Variants in MACROD2 observed in about 807,000 individuals in gnomAD.
MACROD2 encodes the protein ADP-ribose glycohydrolase MACROD2.
Under a neutral mutation model 70.4 loss-of-function variants are expected in MACROD2, and 36 were observed. The observed-to-expected ratio is 0.51, with a 90% CI of 0.39 to 0.68. The LOEUF is 0.68. Among genes scored for constraint, MACROD2 ranks in the 30% least tolerant of loss-of-function variants. The pLI, the probability that MACROD2 is intolerant of heterozygous loss-of-function variation, is 0.00. For synonymous variants in MACROD2, 172 were observed against 178.8 expected, an observed-to-expected ratio of 0.96 and a Z score of 0.30; for missense variants, 496 against 538.4, an observed-to-expected ratio of 0.92 and a Z score of 0.78.
intron 5 of MACROD2, chr20:14,888,726 T>C (rs903043770): frequency 4.6e-5 from 7 of 152,220 alleles, no homozygotes; most frequent in Admixed American, 4.6e-4. Context: ...TTGCTGTGCA[T>C]GATAAACTTG....
intron 5 of MACROD2, among the ~76,000 whole-genome samples, chr20:15,096,957 G>T (rs1871908764): frequency 6.6e-6 from 1 of 151,528 alleles, no homozygotes; most frequent in Admixed American, 6.6e-5. Flanking sequence ...AATTACAGGT[G>T]CTCGCCACCA....
chr20:13,996,331 T>C (rs548694420), intron 1 of MACROD2: 1 of 165,778 alleles, frequency 6.0e-6, no homozygotes, highest in South Asian at 1.6e-4. Context: ...ATCGGGTGTT[T>C]ACCCCTTGTC....
At chr20:14,719,216 T>G (rs1367214326) in intron 5 of MACROD2, among the ~76,000 whole-genome samples, 1 of 151,540 alleles carries the variant, frequency 6.6e-6, no homozygotes, top group Non-Finnish European at 1.5e-5. Flanking sequence ...GGCGACAGAG[T>G]GAGACTCCAT....
chr20:15,916,577 TC>T (rs1212916325), intron 10 of MACROD2, among the ~76,000 whole-genome samples: 1 of 152,252 alleles, frequency 6.6e-6, no homozygotes, highest in Admixed American at 6.5e-5. Context: ...TTCCAAGACT[TC>T]CTGCATCCCG....
intron 8 of MACROD2, among the ~76,000 whole-genome samples, chr20:15,591,424 A>G (rs1006311542): frequency 6.6e-6 from 1 of 152,012 alleles, no homozygotes; most frequent in African/African-American, 2.4e-5. Flanking sequence ...CACCAACATG[A>G]CAAGAACCTG....
At chr20:15,758,806 G>A (rs2051389247) in intron 8 of MACROD2, among the ~76,000 whole-genome samples, 1 of 151,848 alleles carries the variant, frequency 6.6e-6, no homozygotes, top group Non-Finnish European at 1.5e-5. Flanking sequence ...GCCTCCCAAA[G>A]TGCTGGGATT....
At position 15,400,441 on chromosome 20, in the gene MACROD2, A is replaced by G. The variant is rs189002832; in HGVS notation, c.541-30964A>G. Among the ~76,000 whole-genome samples the G allele has an allele frequency of 6.9e-3, 1,051 of 152,220 alleles. 23 individuals carry two copies. The highest frequency in any genetic ancestry group is 0.024 in the African/African-American group (1,004 of 41,514). ...CTTCACTTTTGTTTTGTCTTTTTAG[A>G]ACTTATGTCATCATTTGGGGTTGAG... On this transcript the variant is annotated intron_variant, in intron 6 of 17. Transcript: ENST00000684519.
chr20:15,895,922 G>T (rs1249539946), intron 10 of MACROD2, among the ~76,000 whole-genome samples: 2 of 152,240 alleles, frequency 1.3e-5, no homozygotes, highest in Non-Finnish European at 2.9e-5. Context: ...CCACACATAC[G>T]GCACTTATTA....
intron 5 of MACROD2, among the ~76,000 whole-genome samples, chr20:15,068,997 T>G (rs1246388588): frequency 6.6e-6 from 1 of 151,976 alleles, no homozygotes; most frequent in Non-Finnish European, 1.5e-5. Context: ...CCAATAGAAA[T>G]ATGGACAGTG....
chr20:15,367,827 G>A (rs934468009), intron 6 of MACROD2, among the ~76,000 whole-genome samples: 4 of 151,936 alleles, frequency 2.6e-5, no homozygotes, highest in South Asian at 4.1e-4. Flanking sequence ...ACATGTATAC[G>A]TTAGAAGCAA....
intron 3 of MACROD2, among the ~76,000 whole-genome samples, chr20:14,378,230 T>C (rs1367693501): frequency 1.3e-5 from 2 of 152,170 alleles, no homozygotes; most frequent in Non-Finnish European, 2.9e-5. Context: ...TGGGACCCAT[T>C]AATATGGTGA....
At chr20:15,754,537 G>T (rs142038896) in intron 8 of MACROD2, among the ~76,000 whole-genome samples, 1 of 152,014 alleles carries the variant, frequency 6.6e-6, no homozygotes, top group East Asian at 1.9e-4. Flanking sequence ...CTGAGCCTGG[G>T]AGGCAGAGGT....
At chr20:15,178,351 C>T (rs968208793) in intron 5 of MACROD2, among the ~76,000 whole-genome samples, 1 of 152,204 alleles carries the variant, frequency 6.6e-6, no homozygotes, top group Non-Finnish European at 1.5e-5. Flanking sequence ...GTAAGTGCAT[C>T]TTATGGGCAT....
intron 5 of MACROD2, among the ~76,000 whole-genome samples, chr20:15,187,246 C>T (rs542762496): frequency 6.6e-5 from 10 of 152,236 alleles, no homozygotes; most frequent in Middle Eastern, 3.4e-3. Flanking sequence ...TATGATGACC[C>T]GAGGTCTTTT....
chr20:15,146,869 G>C (rs2076233896), intron 5 of MACROD2, among the ~76,000 whole-genome samples: 1 of 152,132 alleles, frequency 6.6e-6, no homozygotes, highest in African/African-American at 2.4e-5. Context: ...ATAGTAAGCT[G>C]TTCTTTAGCA....
chr20:15,316,076 TAAGG>T (rs768287979), intron 6 of MACROD2, among the ~76,000 whole-genome samples: 3 of 111,920 alleles, frequency 2.7e-5, no homozygotes, highest in Non-Finnish European at 5.9e-5. Context: ...CAAAAAGAAA[TAAGG>T]AAGAAGTAAT....
intron 2 of MACROD2, among the ~76,000 whole-genome samples, chr20:14,042,301 A>C (rs991025351): frequency 8.5e-5 from 13 of 152,094 alleles, no homozygotes; most frequent in African/African-American, 2.9e-4. Context: ...ATTTTAGGAG[A>C]GAGATCTTTG....
chr20:15,077,472 GA>G (rs2075666827), intron 5 of MACROD2, among the ~76,000 whole-genome samples: 1 of 152,190 alleles, frequency 6.6e-6, no homozygotes, highest in Non-Finnish European at 1.5e-5. Context: ...AAAGCGTCTT[GA>G]AATTGTAAAG....
chr20:15,128,752 T>A (rs1319033365), intron 5 of MACROD2, among the ~76,000 whole-genome samples: 3 of 152,000 alleles, frequency 2.0e-5, no homozygotes, highest in Non-Finnish European at 4.4e-5. Context: ...TAGGACTATA[T>A]CCCATTCACC....
Sources: allele counts gnomAD v4.1 joint callset (sites outside exome capture counted in the v4.1 genomes callset), GRCh38; gene constraint gnomAD v4.1.1; transcripts MANE v1.5; gene names NCBI Gene and HGNC (gene_info 2026-07-23, HGNC 2026-07-21).